ADGRB3: variants seen among roughly 807,000 people sequenced by gnomAD.
The protein encoded by ADGRB3 is adhesion G protein-coupled receptor B3, also known as brain-specific angiogenesis inhibitor 3.
A neutral mutation model predicts 193.4 loss-of-function variants in ADGRB3; 37 were observed. The observed-to-expected ratio is 0.19, with a 90% confidence interval of 0.15 to 0.25. The LOEUF is 0.25. ADGRB3 is among the 10% of genes least tolerant of loss of function. ADGRB3 has a pLI of 1.00. For synonymous variants in ADGRB3, 690 were observed against 644.2 expected (o/e 1.07, Z -1.08); for missense variants, 1,637 against 1,852.9 (o/e 0.88, Z 2.14).
At chr6:69,368,181 C>T (rs1769622899) in intron 29 of ADGRB3, among the ~76,000 whole-genome samples, 1 of 152,186 alleles carries the variant, frequency 6.6e-6, no homozygotes. Context: ...ATTTTTCCAT[C>T]GATTCAACTA....
At chr6:68,716,291 T>G (rs1040832614) in intron 3 of ADGRB3, among the ~76,000 whole-genome samples, 1 of 151,676 alleles carries the variant, frequency 6.6e-6, no homozygotes, top group African/African-American at 2.4e-5. Context: ...TGTGGAGATT[T>G]ATTTATTTAT....
At chr6:69,313,938 CT>C (rs1768255014) in intron 20 of ADGRB3, among the ~76,000 whole-genome samples, 1 of 151,694 alleles carries the variant, frequency 6.6e-6, no homozygotes, top group Non-Finnish European at 1.5e-5. Context: ...AGAGAAAATG[CT>C]TCCTTTTTAT....
At chr6:68,638,492 AGCAACAGATAATT>A (rs1412835453) in intron 2 of ADGRB3, among the ~76,000 whole-genome samples, 156 bp from the exon 3 acceptor site, 38 of 152,250 alleles carry the variant, frequency 2.5e-4, no homozygotes, top group Admixed American at 1.6e-3. Flanking sequence ...CTGTTCACAC[AGCAACAGATAATT>A]TTCCTGTGTT....
At chr6:69,181,880 T>C (rs995279596) in intron 17 of ADGRB3, among the ~76,000 whole-genome samples, 3 of 152,232 alleles carry the variant, frequency 2.0e-5, no homozygotes, top group South Asian at 4.1e-4. Flanking sequence ...ACTAGGTTAA[T>C]AATTTCTTGT....
intron 10 of ADGRB3, among the ~76,000 whole-genome samples, chr6:68,982,576 A>G (rs1413435694): frequency 1.3e-5 from 2 of 152,020 alleles, no homozygotes; most frequent in Non-Finnish European, 1.5e-5. Flanking sequence ...AAATCTATCA[A>G]CTGTCTTGAG....
chr6:68,850,472 T>C (rs1451502828), intron 3 of ADGRB3, among the ~76,000 whole-genome samples: 1 of 151,986 alleles, frequency 6.6e-6, no homozygotes, highest in Non-Finnish European at 1.5e-5. Context: ...TCATGTTTTC[T>C]CTCCTGTTAG....
chr6:68,906,439 A>G (rs565548314), intron 3 of ADGRB3, among the ~76,000 whole-genome samples: 1 of 152,066 alleles, frequency 6.6e-6, no homozygotes, highest in Admixed American at 6.6e-5. Context: ...ATTTTTCAAT[A>G]TATATTTAAT....
At chr6:68,652,004 A>G (rs1226929346) in intron 3 of ADGRB3, among the ~76,000 whole-genome samples, 3 of 152,076 alleles carry the variant, frequency 2.0e-5, no homozygotes, top group Non-Finnish European at 4.4e-5. Flanking sequence ...TAATTTATCT[A>G]GGATCCTATG....
intron 3 of ADGRB3, among the ~76,000 whole-genome samples, chr6:68,709,374 C>T (rs925297418): frequency 6.6e-6 from 1 of 152,066 alleles, no homozygotes; most frequent in Non-Finnish European, 1.5e-5. Flanking sequence ...ATTAATATAA[C>T]TTTGCAAAAA....
intron 11 of ADGRB3, among the ~76,000 whole-genome samples, chr6:69,004,154 G>T (rs1257330811): frequency 6.6e-6 from 1 of 152,086 alleles, no homozygotes; most frequent in African/African-American, 2.4e-5. Context: ...TTTTATTGAA[G>T]AATGTTTTGG....
At chr6:68,669,604 T>G (rs1285171270) in intron 3 of ADGRB3, among the ~76,000 whole-genome samples, 1 of 134,678 alleles carries the variant, frequency 7.4e-6, no homozygotes, top group Non-Finnish European at 1.6e-5. Flanking sequence ...TAATACTCCA[T>G]TGTGTGTGTG....
chr6:69,151,610 G>A (rs1253507558), intron 17 of ADGRB3, among the ~76,000 whole-genome samples: 3 of 151,312 alleles, frequency 2.0e-5, no homozygotes, highest in Non-Finnish European at 3.0e-5. Context: ...TTGTGTAGAT[G>A]GCTGTTAAAT....
intron 15 of ADGRB3, among the ~76,000 whole-genome samples, chr6:69,059,672 A>T (rs1771663368): frequency 6.6e-6 from 1 of 152,166 alleles, no homozygotes; most frequent in Non-Finnish European, 1.5e-5. Context: ...CTGACATGGC[A>T]TATCAGAAGC....
chr6:69,225,863 A>G (rs1180798440), intron 17 of ADGRB3, among the ~76,000 whole-genome samples: 5 of 152,124 alleles, frequency 3.3e-5, no homozygotes, highest in African/African-American at 1.2e-4. Flanking sequence ...AATGTTAGCT[A>G]TTTTCACTAG....
intron 3 of ADGRB3, among the ~76,000 whole-genome samples, chr6:68,909,916 T>C (rs1445151467): frequency 6.6e-6 from 1 of 152,246 alleles, no homozygotes; most frequent in Non-Finnish European, 1.5e-5. Flanking sequence ...TTTGGGTATA[T>C]ACCCAGTAAT....
At chr6:69,165,955 T>C (rs1775122597) in intron 17 of ADGRB3, among the ~76,000 whole-genome samples, 1 of 152,090 alleles carries the variant, frequency 6.6e-6, no homozygotes, top group Non-Finnish European at 1.5e-5. Context: ...ATGAATGGAA[T>C]TGAAATGCAG....
intron 14 of ADGRB3, among the ~76,000 whole-genome samples, chr6:69,048,862 G>T (rs929311441): frequency 2.0e-5 from 3 of 152,038 alleles, no homozygotes; most frequent in African/African-American, 7.2e-5. Flanking sequence ...AAACAAATTT[G>T]AGAAAAAATT....
At chr6:68,879,432 G>T (rs1250262807) in intron 3 of ADGRB3, among the ~76,000 whole-genome samples, 1 of 151,880 alleles carries the variant, frequency 6.6e-6, no homozygotes, top group African/African-American at 2.4e-5. Context: ...GTTTCACCGT[G>T]TTAGCCAGGA....
At chr6:68,932,864 C>A in intron 4 of ADGRB3, among the ~76,000 whole-genome samples, 1 of 94,724 alleles carries the variant, frequency 1.1e-5, no homozygotes, top group Non-Finnish European at 2.8e-5. Context: ...AAGGCTATCA[C>A]ACTTTAATAT....
Sources: gnomAD v4.1 joint callset for allele counts (sites outside exome capture counted in the v4.1 genomes callset) on GRCh38, gnomAD v4.1.1 for gene constraint, MANE v1.5 for transcripts, NCBI Gene and HGNC (gene_info 2026-07-23, HGNC 2026-07-21) for gene names.